Variants in COMMD9 observed in about 807,000 individuals in gnomAD.
COMMD9 encodes COMM domain-containing protein 9.
Under a neutral mutation model 23.4 loss-of-function variants are expected in COMMD9, and 22 were observed. The observed-to-expected ratio is 0.94, with a 90% confidence interval of 0.67 to 1.34. The LOEUF (loss-of-function observed/expected upper bound fraction) is 1.34. Among genes scored for constraint, COMMD9 ranks in the 40% most tolerant of loss-of-function variants. The pLI is 0.00. For missense variants in COMMD9, 231 were observed against 240.2 expected, an observed-to-expected ratio of 0.96 and a Z score of 0.25; for synonymous variants, 99 against 97.4, an observed-to-expected ratio of 1.02 and a Z score of -0.10.
At chr11:36,276,588 G>A (rs1212309320) in intron 4 of COMMD9, 1 of 240,202 alleles carries the variant, frequency 4.2e-6, no homozygotes, top group African/African-American at 2.2e-5. Context: ...AGTGGTAAGA[G>A]CTCTTGTTTT....
intron 1 of COMMD9, among the ~76,000 whole-genome samples, chr11:36,283,569 T>C (rs763369767): frequency 3.9e-5 from 6 of 152,128 alleles, no homozygotes; most frequent in South Asian, 2.1e-4. Flanking sequence ...TAAAAAGAAA[T>C]GCACTTTAAA....
chr11:36,283,349 G>T (rs1856097782), intron 1 of COMMD9, among the ~76,000 whole-genome samples: 1 of 152,196 alleles, frequency 6.6e-6, no homozygotes, highest in Non-Finnish European at 1.5e-5. Context: ...TATGTTTGAA[G>T]GCTGAAGCAA....
At chr11:36,278,687 G>A (rs1373792895) in intron 2 of COMMD9, 71 bp from the exon 3 acceptor site, 5 of 1,516,332 alleles carry the variant, frequency 3.3e-6, no homozygotes, top group East Asian at 4.6e-5. Flanking sequence ...CAGGGCCAGG[G>A]GCAGGGCTCT....
Position 36,274,183 on chromosome 11 carries a change from C to G in COMMD9, c.*449G>C. ...CTGCCTGGCTTCCCTGACAGAGGAG[C>G]AGGAACTGCTGGCATCACCTGTCCG... On this transcript the variant is annotated 3_prime_UTR_variant, in exon 6 of 6. Coordinates refer to ENST00000263401, the MANE Select transcript of COMMD9 (RefSeq NM_014186.4). The G allele has an allele frequency of 2.3e-6, 1 of 443,452 alleles. No individual in the cohort carries two copies. Among genetic ancestry groups the G allele is most frequent in the Non-Finnish European group, 4.6e-6 (1 of 219,026 alleles). 27.5% of individuals were successfully genotyped at this position (443,452 alleles called of 1,614,324 possible).
chr11:36,279,633 T>C lies in COMMD9; in HGVS notation c.178-1017A>G, dbSNP rs182263896. Among the ~76,000 whole-genome samples, 3 of 152,356 alleles carry C rather than the reference T, an allele frequency of 2.0e-5. No homozygotes were observed. The East Asian group carries it at 5.8e-4, about 29-fold the overall frequency. ...AGCAGTAATTGCTCTTAACATCCTC[T>C]TTCATTGACTTGCCTTCCCTGTTTG... On this transcript the variant is annotated intron_variant, in intron 2 of 5. Transcript: ENST00000263401.
intron 1 of COMMD9, 94 bp from the exon 2 acceptor site, chr11:36,280,931 G>A: frequency 8.0e-7 from 1 of 1,250,560 alleles, no homozygotes; most frequent in Non-Finnish European, 1.1e-6. Context: ...TGATACCTTT[G>A]AGACTTAAAT....
chr11:36,285,807 G>T (rs1856141997), intron 1 of COMMD9, among the ~76,000 whole-genome samples: 1 of 152,072 alleles, frequency 6.6e-6, no homozygotes, highest in Non-Finnish European at 1.5e-5. Context: ...ATAAATCAAT[G>T]CAGAGAAAGC....
chr11:36,279,215 G>A (rs969908700), intron 2 of COMMD9, among the ~76,000 whole-genome samples: 2 of 152,300 alleles, frequency 1.3e-5, no homozygotes, highest in African/African-American at 2.4e-5. Flanking sequence ...TTGCCTAGGA[G>A]GGCAAAGAGA....
chr11:36,280,623 A>G (rs1445069401), intron 2 of COMMD9, 89 bp downstream of exon 2: 10 of 1,335,818 alleles, frequency 7.5e-6, no homozygotes, highest in Non-Finnish European at 9.0e-6. Flanking sequence ...GTTTCAAGGG[A>G]TTTTCCTTGG....
chr11:36,289,024 G>C (rs1056188682), intron 1 of COMMD9, among the ~76,000 whole-genome samples: 5 of 152,080 alleles, frequency 3.3e-5, no homozygotes, highest in Admixed American at 6.6e-5. Flanking sequence ...TGCAGGAGGG[G>C]CTACGGGATG....
At position 36,282,794 on chromosome 11, in the gene COMMD9, CAA is replaced by C. The variant is rs1381933028; in HGVS notation, c.52-1959_52-1958del. On this transcript the variant is annotated intron_variant, in intron 1 of 5. Transcript: ENST00000263401. ...GAAATGGGTCACATGATCACAGAGG[CAA>C]AGTCCCACAATAGGCCGTCTGCAAG... Among the ~76,000 whole-genome samples, 11 of 152,266 alleles carry C rather than the reference CAA, an allele frequency of 7.2e-5. No homozygotes were observed. In the South Asian group the frequency reaches 1.7e-3, roughly 23 times the overall value.
chr11:36,285,004 C>G lies in COMMD9; in HGVS notation c.52-4167G>C, dbSNP rs111386585. ...GAAAGCATAATAAACCCAAAGGAAGCAGTGGAAGTAACAATGATAAGAGCA... is the reference window on the plus strand; with the variant it reads ...GAAAGCATAATAAACCCAAAGGAAGGAGTGGAAGTAACAATGATAAGAGCA... On this transcript the variant is annotated intron_variant, in intron 1 of 5. Coordinates refer to ENST00000263401, the MANE Select transcript of COMMD9 (RefSeq NM_014186.4). 1.1e-3 allele frequency among the ~76,000 whole-genome samples: 170 copies of G among 152,172 alleles called. 1 individual carries two copies. Among genetic ancestry groups the G allele is most frequent in the African/African-American group, 3.9e-3 (164 of 41,538 alleles).
chr11:36,278,553 C>G lies in COMMD9; in HGVS notation c.241G>C (p.Ala81Pro). Reference sequence around the variant, plus strand: ...TTTTCTGGAAAGAGAGCCAGAATTGCCTCGGCAGAGGACAGGTCACGGAAT... The same window carrying G: ...TTTTCTGGAAAGAGAGCCAGAATTGGCTCGGCAGAGGACAGGTCACGGAAT... ...VAFRDLSSAEAILALFPENFH... is the reference protein window; with the variant it reads ...VAFRDLSSAEPILALFPENFH... Residue 81 changes from alanine to proline, a missense_variant, in exon 3 of 6, where the codon GCA (alanine) becomes CCA (proline). Transcript: ENST00000263401. 1 of 1,614,108 alleles carries G rather than the reference C, an allele frequency of 6.2e-7. No individual in the cohort carries two copies. Among genetic ancestry groups the G allele is most frequent in the Non-Finnish European group, 8.5e-7 (1 of 1,179,942 alleles).
At position 36,273,178 on chromosome 11, in the gene COMMD9, G is replaced by A. The variant is rs1377450360; in HGVS notation, c.*1454C>T. On this transcript the variant is annotated 3_prime_UTR_variant, in exon 6 of 6. Transcript: ENST00000263401. ...TCAAGCACCTTACCACTGAGAAGCA[G>A]AGCTGGCTTCTGACCTTGGCTGCCT... 6.6e-6 allele frequency: 1 copy of A among 152,154 alleles called. No homozygotes were observed. Among genetic ancestry groups the A allele is most frequent in the African/African-American group, 2.4e-5 (1 of 41,422 alleles). The allele number at this position is 152,154 out of a possible 1,614,324, so 9.4% of individuals were successfully genotyped here.
rs76518415 is a variant in COMMD9 at position 36,277,024 on chromosome 11, G to C, written c.352+65C>G. On this transcript the variant is annotated intron_variant, in intron 4 of 5. Transcript: ENST00000263401. ...TTTCTGCCAAAATCTCTGATCACTT[G>C]GCAGACTGAGAGCTGGGGCTGGGGA... The C allele has an allele frequency of 2.2e-3, 3,159 of 1,409,238 alleles. 66 individuals carry two copies. The African/African-American group carries it at 0.041, about 18-fold the overall frequency. 87.3% of individuals were successfully genotyped at this position (1,409,238 alleles called of 1,614,324 possible). A position where few individuals can be genotyped will look rare whatever the true frequency, so the allele number is the denominator to read the frequency against.
rs190318117 is a variant in COMMD9 at position 36,276,229 on chromosome 11, G to A, written c.364C>T (p.Arg122Cys). Reference protein sequence around the residue: ...EAQANQISLPRLVDLDWRVDI... With the variant: ...EAQANQISLPCLVDLDWRVDI... ...ACTCTCCAGTCCAGATCGACCAGGC[G>A]TGGCAGAGAGACTGTGGAAGGAACA... Residue 122 changes from arginine (R) to cysteine (C), a missense_variant, in exon 5 of 6, where the codon CGC becomes TGC. Physicochemically the swap from Arg to Cys is radical, Grantham distance 180. Transcript: ENST00000263401. 286 of 1,613,340 alleles carry A rather than the reference G, an allele frequency of 1.8e-4. No homozygotes were observed. The highest frequency in any genetic ancestry group is 8.0e-4 in the East Asian group (36 of 44,872).
chr11:36,289,380 T>G lies in COMMD9; in HGVS notation c.33A>C (p.Ala11=). 6.4e-7 allele frequency: 1 copy of G among 1,551,728 alleles called. No homozygotes were observed. The highest frequency in any genetic ancestry group is 8.7e-7 in the Non-Finnish European group (1 of 1,147,044). Residue 11 remains alanine, a synonymous_variant, in exon 1 of 6, where the codon GCA becomes GCC. Coordinates refer to ENST00000263401, the MANE Select transcript of COMMD9 (RefSeq NM_014186.4). MAALTAEHFA[A]LQSLLKASSK... is the part of the protein sequence containing the mutation. Reference sequence around the variant, plus strand: ...GACTTACCTTGAGCAGGCTCTGGAGTGCTGCAAAATGCTCCGCTGTCAGGG... The same window carrying G: ...GACTTACCTTGAGCAGGCTCTGGAGGGCTGCAAAATGCTCCGCTGTCAGGG...
At chr11:36,276,567 G>T (rs1855976715) in intron 4 of COMMD9, 1 of 268,836 alleles carries the variant, frequency 3.7e-6, no homozygotes, top group East Asian at 6.9e-5. Context: ...GAAATGTGTA[G>T]CTTCAGCAAT....
At chr11:36,276,514 G>A (rs1402382519) in intron 4 of COMMD9, 3 of 383,074 alleles carry the variant, frequency 7.8e-6, no homozygotes, top group Non-Finnish European at 1.4e-5. Flanking sequence ...GGCAGAATGA[G>A]AAGTGACATA....
Sources: allele counts gnomAD v4.1 joint callset (sites outside exome capture counted in the v4.1 genomes callset), GRCh38; gene constraint gnomAD v4.1.1; transcripts MANE v1.5; gene names NCBI Gene and HGNC (gene_info 2026-07-23, HGNC 2026-07-21).